The following C2CD3 variants were observed in gnomAD, a reference collection of about 807,000 sequenced individuals.
C2CD3 encodes C2 domain containing 3 centriole elongation regulator.
Under a neutral mutation model 234.0 loss-of-function variants are expected in C2CD3, and 148 were observed. The ratio of observed to expected loss-of-function variants is 0.63; its 90% confidence interval spans 0.55 to 0.72. C2CD3 has a LOEUF of 0.72. C2CD3 is among the 30% of genes least tolerant of loss of function. The pLI is 0.00. For missense variants in C2CD3, 2,577 were observed against 2,811.5 expected (o/e 0.92, Z 1.89); for synonymous variants, 1,000 against 1,035.4 (o/e 0.97, Z 0.66).
Position 74,108,538 on chromosome 11 carries a change from G to A in C2CD3, c.1962+496C>T, listed in dbSNP as rs141166821. Among the ~76,000 whole-genome samples the A allele has an allele frequency of 4.6e-5, 7 of 152,278 alleles. No homozygotes were observed. In the East Asian group the frequency reaches 1.4e-3, roughly 29 times the overall value. ...TCACAACTATATTATTTTGGGCTTG[G>A]ATACCTTATGTATTCTGCCTGCAAA... On this transcript the variant is annotated intron_variant, in intron 12 of 32. Coordinates refer to ENST00000334126, the MANE Select transcript of C2CD3 (RefSeq NM_001286577.2).
intron 7 of C2CD3, chr11:74,129,978 G>C (rs1957589594): frequency 5.3e-4 from 1 of 1,888 alleles, no homozygotes; most frequent in Non-Finnish European, 8.0e-4. Flanking sequence ...GCAGGCTGAG[G>C]CAGGAGAATC....
chr11:74,083,736 C>T (rs914380282), intron 22 of C2CD3, among the ~76,000 whole-genome samples: 23 of 152,292 alleles, frequency 1.5e-4, no homozygotes, highest in Non-Finnish European at 2.9e-4. Flanking sequence ...ATCAAAACCA[C>T]AATGAGATAC....
At chr11:74,027,506 C>T (rs929309033) in intron 32 of C2CD3, among the ~76,000 whole-genome samples, 10 of 152,202 alleles carry the variant, frequency 6.6e-5, no homozygotes, top group African/African-American at 2.4e-4. Context: ...GTGCCTGGTA[C>T]ATGCTAAGCA....
In C2CD3 at chr11:74,150,305, T is replaced by C. The variant is rs1045059498; in HGVS notation, c.484-10477A>G. Among the ~76,000 whole-genome samples, 72 of 150,932 alleles carry C rather than the reference T, an allele frequency of 4.8e-4. 1 individual carries two copies. The highest frequency in any genetic ancestry group is 1.7e-3 in the African/African-American group (71 of 41,146). On this transcript the variant is annotated intron_variant, in intron 3 of 32. Transcript: ENST00000334126. ...CAGCCTGGCCAACAAGGTGAAACCC[T>C]GTCTCTACTTAAAAAAAAAAATACA...
At chr11:74,135,980 G>T (rs1251163526) in intron 5 of C2CD3, among the ~76,000 whole-genome samples, 3 of 152,126 alleles carry the variant, frequency 2.0e-5, no homozygotes, top group Non-Finnish European at 4.4e-5. Context: ...GGGTAAGGAA[G>T]ATGGGGGCAA....
At chr11:74,113,043 A>C (rs771051441) in intron 11 of C2CD3, among the ~76,000 whole-genome samples, 2 of 152,282 alleles carry the variant, frequency 1.3e-5, no homozygotes, top group Non-Finnish European at 2.9e-5. Flanking sequence ...AGTGGAAATA[A>C]CACGAATGTC....
chr11:74,068,438 C>T (rs1288964406), intron 24 of C2CD3, among the ~76,000 whole-genome samples: 2 of 152,174 alleles, frequency 1.3e-5, no homozygotes, highest in Admixed American at 1.3e-4. Flanking sequence ...TAAATGTTTG[C>T]TGACTTCCCA....
chr11:74,163,897 T>TACTA (rs1856635663), intron 2 of C2CD3, among the ~76,000 whole-genome samples: 1 of 152,202 alleles, frequency 6.6e-6, no homozygotes, highest in Non-Finnish European at 1.5e-5. Context: ...ATTGGCTATT[T>TACTA]ACTAACAGCC....
Position 74,050,754 on chromosome 11 carries a change from G to A in C2CD3, c.5156-1212C>T, listed in dbSNP as rs547758299. Among the ~76,000 whole-genome samples the A allele has an allele frequency of 3.7e-4, 55 of 147,100 alleles. 2 individuals carry two copies. The highest frequency in any genetic ancestry group is 3.1e-3 in the Admixed American group (47 of 15,108). On this transcript the variant is annotated intron_variant, in intron 26 of 32. Transcript: ENST00000334126. ...CCTTTAGACTGGAACCTAGCTAAAC[G>A]GTGAGAAAAGGTATTACACTATGTT...
intron 24 of C2CD3, among the ~76,000 whole-genome samples, chr11:74,062,029 G>A (rs1954275230): frequency 6.6e-6 from 1 of 152,086 alleles, no homozygotes; most frequent in African/African-American, 2.4e-5. Context: ...GACAAAGAAG[G>A]CCATTACATA....
intron 28 of C2CD3, among the ~76,000 whole-genome samples, chr11:74,045,254 C>G (rs79927907): frequency 0.021 from 3,264 of 152,256 alleles, 66 homozygotes; most frequent in African/African-American, 0.046. Context: ...TTGAGATTAT[C>G]AATTCAATTC....
rs1957033782 is a variant in C2CD3 at position 74,117,139 on chromosome 11, TA to T, written c.1520+1088del. On this transcript the variant is annotated intron_variant, in intron 9 of 32. Transcript: ENST00000334126. ...GAATATATATATATGAATATATATA[TA>T]TGAATATATATATATGAATATATAT... 1.0e-4 allele frequency among the ~76,000 whole-genome samples: 6 copies of T among 59,754 alleles called. 1 individual carries two copies. The highest frequency in any genetic ancestry group is 6.5e-4 in the African/African-American group (6 of 9,184). 39.2% of individuals were successfully genotyped at this position (59,754 alleles called of 152,430 possible). A position where few individuals can be genotyped will look rare whatever the true frequency, so the allele number is the denominator to read the frequency against.
At chr11:74,043,140 A>G (rs1953156261) in intron 28 of C2CD3, among the ~76,000 whole-genome samples, 1 of 152,238 alleles carries the variant, frequency 6.6e-6, no homozygotes, top group Non-Finnish European at 1.5e-5. Flanking sequence ...CATACCCATT[A>G]GAACCATTCT....
chr11:74,133,385 A>G (rs1207927623), intron 6 of C2CD3, 40 bp downstream of exon 6: 1 of 1,581,436 alleles, frequency 6.3e-7, no homozygotes. Context: ...ACAACTATTA[A>G]GAAATGAACT....
chr11:74,118,303 G>A lies in C2CD3; in HGVS notation c.1445C>T (p.Ala482Val). The stretch of plus-strand genomic sequence containing the variant: ...CAGAACCTTAGATGATCTGGCAAGA[G>A]CTGTTGACTGGCTTATTTTTTTAGA... ...VPSKKISQST[A>V]LARSSKVLES... Residue 482 changes from alanine (A) to valine (V), a missense_variant, in exon 9 of 33, where the codon GCT becomes GTT. Transcript: ENST00000334126. 1.2e-6 allele frequency: 2 copies of A among 1,613,080 alleles called. No individual in the cohort carries two copies. The highest frequency in any genetic ancestry group is 1.7e-6 in the Non-Finnish European group (2 of 1,179,094).
At chr11:74,021,916 A>T (rs1030615022) in intron 32 of C2CD3, among the ~76,000 whole-genome samples, 1 of 152,216 alleles carries the variant, frequency 6.6e-6, no homozygotes, top group Admixed American at 6.5e-5. Flanking sequence ...ACTTGAGGTC[A>T]GGAGTTCGAG....
In C2CD3 at chr11:74,057,463, T is replaced by A. The variant is rs760457898; in HGVS notation, c.5033A>T (p.Tyr1678Phe). 2.3e-5 allele frequency: 37 copies of A among 1,613,992 alleles called. No individual in the cohort carries two copies. Among genetic ancestry groups the A allele is most frequent in the Non-Finnish European group, 5.1e-6 (6 of 1,179,948 alleles). Residue 1678 changes from tyrosine (Y) to phenylalanine (F), a missense_variant, in exon 25 of 33, where the codon TAC (tyrosine) becomes TTC (phenylalanine). Tyr to Phe is a conservative substitution (Grantham distance 22). Coordinates refer to ENST00000334126, the MANE Select transcript of C2CD3 (RefSeq NM_001286577.2). ...ATCTGTGTTTTCAACCACTTGGGTG[T>A]ATACAGGAGATGACTCATCGGCTGT... is the stretch of plus-strand genomic sequence containing the variant. ...FATADESSPV[Y>F]TQVVENTDSP... is the part of the protein sequence containing the mutation.
chr11:74,157,445 A>G (rs1856107246), intron 3 of C2CD3, among the ~76,000 whole-genome samples: 1 of 152,240 alleles, frequency 6.6e-6, no homozygotes, highest in South Asian at 2.1e-4. Context: ...TTCACCCTTA[A>G]GTCATCAATA....
chr11:74,047,192 T>A (rs756035027), intron 28 of C2CD3, among the ~76,000 whole-genome samples: 6 of 152,216 alleles, frequency 3.9e-5, no homozygotes, highest in Non-Finnish European at 8.8e-5. Flanking sequence ...GGATCTCTGT[T>A]AAGATGGTTA....
Sources: allele counts gnomAD v4.1 joint callset (sites outside exome capture counted in the v4.1 genomes callset), GRCh38; gene constraint gnomAD v4.1.1; transcripts MANE v1.5; gene names NCBI Gene and HGNC (gene_info 2026-07-23, HGNC 2026-07-21).